C4BPA: variants seen among roughly 807,000 people sequenced by gnomAD.
C4BPA encodes C4b-binding protein alpha chain.
C4BPA carries 31 observed loss-of-function variants against 63.7 expected under a neutral mutation model. That is an observed-to-expected ratio of 0.49 (90% confidence interval 0.37 to 0.66). The LOEUF (loss-of-function observed/expected upper bound fraction) is 0.66, where lower values mean the gene tolerates loss of function less well. C4BPA is among the 30% of genes least tolerant of loss of function. C4BPA has a pLI of 0.00. For synonymous variants in C4BPA, 259 were observed against 254.7 expected, an observed-to-expected ratio of 1.02 and a Z score of -0.16; for missense variants, 572 against 723.3, an observed-to-expected ratio of 0.79 and a Z score of 2.40.
chr1:207,114,594 A>T (rs538670137), intron 3 of C4BPA: 1 of 235,866 alleles, frequency 4.2e-6, no homozygotes, highest in Non-Finnish European at 8.0e-6. Context: ...CCTGGTTTCA[A>T]GTGACTCTCC....
intron 9 of C4BPA, among the ~76,000 whole-genome samples, chr1:207,140,158 C>A (rs1685383603): frequency 6.6e-6 from 1 of 152,200 alleles, no homozygotes; most frequent in African/African-American, 2.4e-5. Flanking sequence ...GAACCTTTTT[C>A]ATTAATGACC....
rs958341445 is a variant in C4BPA, at chr1:207,143,826, C to T, written c.1453C>T (p.Arg485Trp). 14 of 1,610,934 alleles carry T rather than the reference C, an allele frequency of 8.7e-6. No individual in the cohort carries two copies. Among genetic ancestry groups the T allele is most frequent in the Admixed American group, 1.7e-5 (1 of 59,958 alleles). ...APAPQCKALC[R>W]KPELVNGRLS... ...ATATGTTTCCATTACAGCTCTGTGTCGGAAACCAGAATTAGTGAATGGAAG... is the reference window on the plus strand; with the variant it reads ...ATATGTTTCCATTACAGCTCTGTGTTGGAAACCAGAATTAGTGAATGGAAG... The change falls in exon 11 of 12, where the codon CGG becomes TGG. Residue 485 changes from arginine (R) to tryptophan (W), a missense_variant. Arg to Trp is a moderately radical substitution (Grantham distance 101). Transcript: ENST00000367070.
chr1:207,140,051 C>G (rs563731289), intron 9 of C4BPA, among the ~76,000 whole-genome samples: 2 of 152,268 alleles, frequency 1.3e-5, no homozygotes, highest in South Asian at 4.1e-4. Flanking sequence ...CTCAGGCACC[C>G]CTGGTTGCCT....
intron 4 of C4BPA, among the ~76,000 whole-genome samples, chr1:207,116,066 A>G (rs1248909879): frequency 6.6e-6 from 1 of 152,230 alleles, no homozygotes; most frequent in East Asian, 1.9e-4. Flanking sequence ...TTTCTGGCTC[A>G]AAGAGTATGT....
At chr1:207,137,691 C>T (rs540704770) in intron 9 of C4BPA, among the ~76,000 whole-genome samples, 2 of 152,192 alleles carry the variant, frequency 1.3e-5, no homozygotes, top group South Asian at 4.2e-4. Context: ...GATCTCGGCT[C>T]ACGGCAACCT....
At chr1:207,137,627 TTTTGTTTTGA>T (rs1364588678) in intron 9 of C4BPA, among the ~76,000 whole-genome samples, 3 of 151,792 alleles carry the variant, frequency 2.0e-5, no homozygotes, top group Non-Finnish European at 4.4e-5. Context: ...TTTTGTTTTG[TTTTGTTTTGA>T]GACAGAGTTT....
chr1:207,123,786 C>T (rs1684968372), intron 4 of C4BPA, 136 bp from the exon 5 acceptor site: 1 of 613,360 alleles, frequency 1.6e-6, no homozygotes, highest in Non-Finnish European at 2.9e-6. Flanking sequence ...GAATGGAGTG[C>T]TTAATGGGAA....
chr1:207,104,611 T>C (rs961528135), intron 1 of C4BPA, among the ~76,000 whole-genome samples, 181 bp downstream of exon 1: 1 of 152,220 alleles, frequency 6.6e-6, no homozygotes, highest in Non-Finnish European at 1.5e-5. Flanking sequence ...TTAAACCCTA[T>C]CTGAACCTCA....
chr1:207,123,894 A>G (rs1363298054), intron 4 of C4BPA, 28 bp from the exon 5 acceptor site: 26 of 1,361,724 alleles, frequency 1.9e-5, no homozygotes, highest in Non-Finnish European at 2.5e-5. Flanking sequence ...GAGGAATTCC[A>G]TTAAAATCTT....
chr1:207,144,808 G>A lies in C4BPA; in HGVS notation c.*91G>A. 5.7e-6 allele frequency: 4 copies of A among 698,040 alleles called. No homozygotes were observed. The highest frequency in any genetic ancestry group is 8.7e-6 in the Non-Finnish European group (4 of 457,182). The allele number at this position is 698,040 out of a possible 1,614,324, so 43.2% of individuals were successfully genotyped here. On this transcript the variant is annotated 3_prime_UTR_variant, in exon 12 of 12. Transcript: ENST00000367070. ...GTTTAGCAAATCTACTGTCAATTTG[G>A]CAGTGATATTCATCATAATAAATAT...
At chr1:207,105,191 A>G (rs777475048) in intron 1 of C4BPA, among the ~76,000 whole-genome samples, 1 of 152,222 alleles carries the variant, frequency 6.6e-6, no homozygotes, top group Non-Finnish European at 1.5e-5. Flanking sequence ...AGAAGCATCA[A>G]AGAAGGTTGG....
rs528313598 is a variant in C4BPA at position 207,107,667 on chromosome 1, CTG to C, written c.-26+3238_-26+3239del. ...GGACAGATAGGGGAACCTATGGAAA[CTG>C]GGAACCATGAATGTTTTTAAGCAGA... On this transcript the variant is annotated intron_variant, in intron 1 of 11. Coordinates refer to ENST00000367070, the MANE Select transcript of C4BPA (RefSeq NM_000715.4). Among the ~76,000 whole-genome samples, 299 of 152,312 alleles carry C rather than the reference CTG, an allele frequency of 2.0e-3. 1 individual carries two copies. Among genetic ancestry groups the C allele is most frequent in the Middle Eastern group, 6.8e-3 (2 of 294 alleles).
At chr1:207,144,050 C>A in intron 11 of C4BPA, 57 bp downstream of exon 11, 1 of 1,313,928 alleles carries the variant, frequency 7.6e-7, no homozygotes, top group Non-Finnish European at 1.0e-6. Context: ...ATGGTGGCAT[C>A]CCCCAGAGCT....
At chr1:207,132,980 A>G (rs566533576) in intron 8 of C4BPA, among the ~76,000 whole-genome samples, 1 of 152,228 alleles carries the variant, frequency 6.6e-6, no homozygotes, top group Non-Finnish European at 1.5e-5. Flanking sequence ...AGCCGAGATC[A>G]TGCCACTGCA....
intron 6 of C4BPA, among the ~76,000 whole-genome samples, chr1:207,125,599 G>A (rs1176675451): frequency 6.6e-6 from 1 of 152,094 alleles, no homozygotes; most frequent in Non-Finnish European, 1.5e-5. Flanking sequence ...TGTCTTGTGA[G>A]GACAGAGCTT....
rs1274847114 is a variant in C4BPA at position 207,135,495 on chromosome 1, C to G, written c.1273+903C>G. Among the ~76,000 whole-genome samples the G allele has an allele frequency of 2.0e-5, 3 of 152,146 alleles. No homozygotes were observed. In the East Asian group the frequency reaches 5.8e-4, roughly 29 times the overall value. On this transcript the variant is annotated intron_variant, in intron 9 of 11. Transcript: ENST00000367070. ...TATCCATCAATAGGAAAATTCCTATCTCCCACTTGTAGAAATGTTCCCACT... is the reference window on the plus strand; with the variant it reads ...TATCCATCAATAGGAAAATTCCTATGTCCCACTTGTAGAAATGTTCCCACT...
At chr1:207,141,017 G>A in intron 9 of C4BPA, 89 bp from the exon 10 acceptor site, 1 of 989,372 alleles carries the variant, frequency 1.0e-6, no homozygotes, top group Non-Finnish European at 1.5e-6. Context: ...ACAGAATGAA[G>A]CCTCCTACAA....
intron 4 of C4BPA, among the ~76,000 whole-genome samples, chr1:207,116,506 GTGTGTGTATA>G (rs1309923101): frequency 0.015 from 644 of 42,264 alleles, 3 homozygotes; most frequent in South Asian, 0.049. Flanking sequence ...GTGTGTGTGT[GTGTGTGTATA>G]TGTGTGTGTG....
intron 1 of C4BPA, among the ~76,000 whole-genome samples, chr1:207,112,569 A>G (rs1480786099): frequency 2.0e-5 from 3 of 152,112 alleles, no homozygotes; most frequent in Admixed American, 1.3e-4. Context: ...AAAAACAAGC[A>G]CTTTTATTCC....
Sources: gnomAD v4.1 joint callset for allele counts (sites outside exome capture counted in the v4.1 genomes callset) on GRCh38, gnomAD v4.1.1 for gene constraint, MANE v1.5 for transcripts, NCBI Gene and HGNC (gene_info 2026-07-23, HGNC 2026-07-21) for gene names.